Variants in RARB observed in about 807,000 individuals in gnomAD.
The protein encoded by RARB is HBV-activated protein.
A neutral mutation model predicts 51.9 loss-of-function variants in RARB; 17 were observed. That is an observed-to-expected ratio of 0.33 (90% CI 0.22 to 0.49). The LOEUF (loss-of-function observed/expected upper bound fraction) is 0.49, where lower values mean the gene tolerates loss of function less well. Ranked by LOEUF, RARB falls within the 20% of genes least tolerant of loss-of-function variation. The pLI, the probability that RARB is intolerant of heterozygous loss-of-function variation, is 0.99. For missense variants in RARB, 369 were observed against 550.8 expected (o/e 0.67, Z 3.30); for synonymous variants, 215 against 195.4 (o/e 1.10, Z -0.84).
intron 5 of RARB, among the ~76,000 whole-genome samples, chr3:25,377,358 G>A (rs79842629): frequency 2.8e-4 from 43 of 152,296 alleles, no homozygotes; most frequent in African/African-American, 9.4e-4. Context: ...GGCAGACAGA[G>A]GAAGAAACGT....
chr3:25,287,304 C>T (rs746640700), intron 5 of RARB, among the ~76,000 whole-genome samples: 8 of 152,180 alleles, frequency 5.3e-5, no homozygotes, highest in Non-Finnish European at 1.2e-4. Context: ...TTTTCCCTTA[C>T]ACTCTGCATT....
intron 3 of RARB, among the ~76,000 whole-genome samples, chr3:25,115,667 T>C (rs1247954339): frequency 6.6e-5 from 10 of 151,810 alleles, no homozygotes; most frequent in Admixed American, 6.6e-4. Context: ...TCCTTTCCTT[T>C]CCTTTCCTCT....
At position 25,556,007 on chromosome 3, in the gene RARB, A is replaced by ATTTTTTTT. The variant is rs35199932; in HGVS notation, c.449-13747_449-13740dup. On this transcript the variant is annotated intron_variant, in intron 3 of 7. Transcript: ENST00000330688. ...GTATGTTGTTTCTTGGACATCTTGT[A>ATTTTTTTT]TTTTTTTTTTTGACCCCTTAGCAGA... 2.2e-3 allele frequency among the ~76,000 whole-genome samples: 324 copies of ATTTTTTTT among 149,082 alleles called. 1 individual carries two copies. The highest frequency in any genetic ancestry group is 5.3e-3 in the Admixed American group (79 of 14,964).
In RARB at chr3:25,594,565, A is replaced by G; in HGVS notation, c.1037A>G (p.Glu346Gly). 6.2e-7 allele frequency: 1 copy of G among 1,613,680 alleles called. No individual in the cohort carries two copies. The highest frequency in any genetic ancestry group is 8.5e-7 in the Non-Finnish European group (1 of 1,179,826). The change falls in exon 7 of 8, where the codon GAA becomes GGA. Residue 346 changes from glutamate (E) to glycine (G), a missense_variant. By Grantham distance (98) the Glu-to-Gly change is moderately conservative (BLOSUM62 -2). Coordinates refer to ENST00000330688, the MANE Select transcript of RARB (RefSeq NM_000965.5). The stretch of plus-strand genomic sequence containing the variant: ...CCGACAAAAGTAGATAAGCTACAAG[A>G]ACCATTGCTGGAAGCACTAAAAATT... ...EEPTKVDKLQ[E>G]PLLEALKIYI...
At chr3:25,205,216 C>G (rs1701507731) in intron 5 of RARB, among the ~76,000 whole-genome samples, 1 of 152,190 alleles carries the variant, frequency 6.6e-6, no homozygotes, top group African/African-American at 2.4e-5. Context: ...GCGTAGGACC[C>G]TCTGAGCCAG....
upstream of RARB, among the ~76,000 whole-genome samples, chr3:25,425,371 C>T (rs1347724126): frequency 6.6e-6 from 1 of 152,088 alleles, no homozygotes; most frequent in Non-Finnish European, 1.5e-5. Context: ...GAAGTGTAAG[C>T]ATTTACTGAT....
chr3:25,338,256 G>C (rs1705124532), intron 5 of RARB, among the ~76,000 whole-genome samples: 1 of 152,078 alleles, frequency 6.6e-6, no homozygotes, highest in African/African-American at 2.4e-5. Flanking sequence ...TTTGCAGCAG[G>C]CATCCCATGG....
chr3:25,578,108 A>G (rs894966286), intron 4 of RARB, among the ~76,000 whole-genome samples: 13 of 152,084 alleles, frequency 8.5e-5, no homozygotes, highest in African/African-American at 3.1e-4. Context: ...CTCCCTGCAC[A>G]CTCAGAAATG....
At chr3:25,221,026 A>G (rs1701936480) in intron 5 of RARB, among the ~76,000 whole-genome samples, 1 of 151,924 alleles carries the variant, frequency 6.6e-6, no homozygotes. Flanking sequence ...ACACACACAC[A>G]CACACTCAAC....
intron 2 of RARB, among the ~76,000 whole-genome samples, chr3:25,488,480 G>T (rs997818620): frequency 6.6e-6 from 1 of 152,090 alleles, no homozygotes; most frequent in African/African-American, 2.4e-5. Flanking sequence ...GGTAAATGAC[G>T]TTCCATGGAA....
chr3:25,132,118 T>C (rs1395394104), intron 3 of RARB, among the ~76,000 whole-genome samples: 1 of 151,884 alleles, frequency 6.6e-6, no homozygotes, highest in Non-Finnish European at 1.5e-5. Flanking sequence ...GAAAAGAACC[T>C]AAGCGATGAT....
At chr3:25,292,288 A>C (rs1056106843) in intron 5 of RARB, among the ~76,000 whole-genome samples, 9 of 152,160 alleles carry the variant, frequency 5.9e-5, no homozygotes, top group African/African-American at 2.2e-4. Flanking sequence ...CCAAAATGTA[A>C]TTTGGAAATG....
rs754547026 is a variant in RARB, at chr3:25,461,265, T to C, written c.230T>C (p.Val77Ala). 1 of 1,612,632 alleles carries C rather than the reference T, an allele frequency of 6.2e-7. No homozygotes were observed. The highest frequency in any genetic ancestry group is 8.5e-7 in the Non-Finnish European group (1 of 1,179,492). Residue 77 changes from valine (V) to alanine (A), a missense_variant, in exon 2 of 8, where the codon GTG becomes GCG. Transcript: ENST00000330688. ...SPPSPLPPPR[V>A]YKPCFVCQDK... ...CCATCTCCACTTCCTCCCCCTCGAG[T>C]GTACAAACCCTGCTTCGTCTGCCAG...
intron 2 of RARB, among the ~76,000 whole-genome samples, chr3:24,992,623 C>T (rs1559425571): frequency 6.6e-6 from 1 of 152,126 alleles, no homozygotes. Flanking sequence ...ATCTTGAAGT[C>T]CAAGGTCAAA....
intron 5 of RARB, among the ~76,000 whole-genome samples, chr3:25,209,965 A>G (rs890364377): frequency 6.6e-6 from 1 of 152,196 alleles, no homozygotes; most frequent in African/African-American, 2.4e-5. Flanking sequence ...GATAACTTTG[A>G]TAATCCCTCT....
intron 3 of RARB, among the ~76,000 whole-genome samples, chr3:25,105,642 G>C (rs1188054888): frequency 6.6e-6 from 1 of 152,166 alleles, no homozygotes; most frequent in East Asian, 1.9e-4. Flanking sequence ...ACATTTCCTT[G>C]CTGTGTCAGG....
intron 4 of RARB, among the ~76,000 whole-genome samples, chr3:25,141,438 G>A (rs1332271684): frequency 6.6e-6 from 1 of 151,704 alleles, no homozygotes; most frequent in Non-Finnish European, 1.5e-5. Context: ...ACCACTTTAG[G>A]TGGCCACTGA....
In RARB at chr3:25,193,011, G is replaced by A. The variant is rs953331076; in HGVS notation, c.178+18436G>A. On this transcript the variant is annotated intron_variant, in intron 5 of 11. Transcript: ENST00000383772. ...AAATGTTGCTTCAGACATTGTAGGT[G>A]GAAAAAGCAAGAGGCAAACTTTCAT... Among the ~76,000 whole-genome samples, 6 of 151,970 alleles carry A rather than the reference G, an allele frequency of 3.9e-5. No homozygotes were observed. The South Asian group carries it at 1.2e-3, about 31-fold the overall frequency.
intron 2 of RARB, among the ~76,000 whole-genome samples, chr3:25,468,263 C>T (rs2125564407): frequency 6.6e-6 from 1 of 151,344 alleles, no homozygotes; most frequent in Non-Finnish European, 1.5e-5. Context: ...CTTGTTAGGG[C>T]TGGCTTACGT....
Sources: allele counts gnomAD v4.1 joint callset (sites outside exome capture counted in the v4.1 genomes callset), GRCh38; gene constraint gnomAD v4.1.1; transcripts MANE v1.5; gene names NCBI Gene and HGNC (gene_info 2026-07-23, HGNC 2026-07-21).